The following CHRNA7 variants were observed in gnomAD, a reference collection of about 807,000 sequenced individuals.
CHRNA7 encodes neuronal acetylcholine receptor subunit alpha-7.
CHRNA7 carries 17 observed loss-of-function variants against 48.0 expected under a neutral mutation model. The observed-to-expected ratio is 0.35, with a 90% CI of 0.24 to 0.53. The LOEUF (loss-of-function observed/expected upper bound fraction) is 0.53, where lower values mean the gene tolerates loss of function less well. CHRNA7 is among the 20% of genes least tolerant of loss of function. The pLI is 0.92. For missense variants in CHRNA7, 155 were observed against 577.7 expected (o/e 0.27, Z 7.50); for synonymous variants, 75 against 242.3 (o/e 0.31, Z 6.41).
intron 3 of CHRNA7, among the ~76,000 whole-genome samples, chr15:32,107,701 C>T (rs935115623): frequency 7.9e-5 from 12 of 152,038 alleles, no homozygotes; most frequent in African/African-American, 1.7e-4. Context: ...CGTAACTTCT[C>T]GCCAGTGGCC....
chr15:32,031,673 A>G (rs1030378738), intron 2 of CHRNA7, among the ~76,000 whole-genome samples: 2 of 152,238 alleles, frequency 1.3e-5, no homozygotes, highest in African/African-American at 2.4e-5. Flanking sequence ...GGCAGCTGCC[A>G]TCAGTTCCGT....
At chr15:32,080,011 T>A (rs1265803545) in intron 2 of CHRNA7, among the ~76,000 whole-genome samples, 1 of 152,126 alleles carries the variant, frequency 6.6e-6, no homozygotes, top group Non-Finnish European at 1.5e-5. Flanking sequence ...TCTAAAACCA[T>A]CTGATCTTCT....
At chr15:32,045,783 G>C (rs571511491) in intron 2 of CHRNA7, among the ~76,000 whole-genome samples, 1 of 149,554 alleles carries the variant, frequency 6.7e-6, no homozygotes, top group African/African-American at 2.5e-5. Context: ...TCGTCATTTA[G>C]CATTAGGTAT....
rs1024808143 is a variant in CHRNA7, at chr15:32,062,126, G to A, written c.195+31089G>A. 4.1e-4 allele frequency among the ~76,000 whole-genome samples: 63 copies of A among 152,004 alleles called. 1 individual carries two copies. The highest frequency in any genetic ancestry group is 8.7e-4 in the African/African-American group (36 of 41,436). ...TTTTAGCTGTTTCTTTGAGATTTAC[G>A]TGCATATCTTGAAATAAAATGCTTA... is the stretch of plus-strand genomic sequence containing the variant. On this transcript the variant is annotated intron_variant, in intron 2 of 9. Transcript: ENST00000306901.
intron 4 of CHRNA7, among the ~76,000 whole-genome samples, chr15:32,118,277 C>T (rs534874470): frequency 6.6e-6 from 1 of 152,322 alleles, no homozygotes; most frequent in South Asian, 2.1e-4. Flanking sequence ...AGCATCCATA[C>T]TGTAAGAAAT....
At chr15:32,134,596 A>G (rs1023030615) in intron 4 of CHRNA7, among the ~76,000 whole-genome samples, 2 of 152,252 alleles carry the variant, frequency 1.3e-5, no homozygotes, top group African/African-American at 4.8e-5. Context: ...TCAGCTAAAA[A>G]TGAACTTCAA....
intron 4 of CHRNA7, among the ~76,000 whole-genome samples, chr15:32,121,128 G>A (rs1047464913): frequency 1.9e-4 from 29 of 152,296 alleles, no homozygotes; most frequent in African/African-American, 7.0e-4. Context: ...AGCAGTGCAG[G>A]GTGTGGGGCC....
At chr15:32,040,182 T>C (rs1424029331) in intron 2 of CHRNA7, among the ~76,000 whole-genome samples, 1 of 152,034 alleles carries the variant, frequency 6.6e-6, no homozygotes, top group Admixed American at 6.6e-5. Context: ...TACAGTTGGG[T>C]CTTGTTTTTT....
intron 2 of CHRNA7, among the ~76,000 whole-genome samples, chr15:32,046,067 A>C (rs1404054192): frequency 6.6e-6 from 1 of 151,710 alleles, no homozygotes; most frequent in Middle Eastern, 3.2e-3. Context: ...CCAGTCTATC[A>C]TTGTTGGACA....
chr15:32,100,893 T>G, intron 2 of CHRNA7: 1 of 183,224 alleles, frequency 5.5e-6, no homozygotes, highest in Non-Finnish European at 1.1e-5. Flanking sequence ...ATACTTGTAT[T>G]TGTTTAAAAG....
At chr15:32,137,031 C>CCA (rs2051276794) in intron 4 of CHRNA7, among the ~76,000 whole-genome samples, 1 of 63,926 alleles carries the variant, frequency 1.6e-5, no homozygotes, top group Non-Finnish European at 2.7e-5. Flanking sequence ...GACTCCGTCT[C>CCA]AAAAAAAAAA....
chr15:32,144,437 A>G (rs2051445567), intron 4 of CHRNA7, among the ~76,000 whole-genome samples: 2 of 152,202 alleles, frequency 1.3e-5, no homozygotes, highest in Admixed American at 1.3e-4. Context: ...TGTTCTCTGT[A>G]TTTCCTGAAT....
chr15:32,035,202 A>G (rs934802834), intron 2 of CHRNA7, among the ~76,000 whole-genome samples: 9 of 152,316 alleles, frequency 5.9e-5, no homozygotes, highest in African/African-American at 2.2e-4. Flanking sequence ...ATAAGAAATC[A>G]TTTTGAAGTG....
At chr15:32,054,904 G>A (rs575312756) in intron 2 of CHRNA7, among the ~76,000 whole-genome samples, 3 of 152,340 alleles carry the variant, frequency 2.0e-5, no homozygotes, top group South Asian at 4.1e-4. Flanking sequence ...TGATACAGAC[G>A]TAAAAGTAGA....
chr15:32,123,106 C>T (rs1057316918), intron 4 of CHRNA7, among the ~76,000 whole-genome samples: 1 of 152,076 alleles, frequency 6.6e-6, no homozygotes, highest in Non-Finnish European at 1.5e-5. Flanking sequence ...AGAGGCAAAC[C>T]TGGAATATAA....
chr15:32,125,509 A>G (rs1320102498), intron 4 of CHRNA7, among the ~76,000 whole-genome samples: 1 of 151,054 alleles, frequency 6.6e-6, no homozygotes, highest in East Asian at 2.0e-4. Context: ...CGGGCTGCCT[A>G]GTAGACTCTA....
At chr15:32,105,141 T>C (rs2050641904) in intron 3 of CHRNA7, among the ~76,000 whole-genome samples, 1 of 152,222 alleles carries the variant, frequency 6.6e-6, no homozygotes, top group Admixed American at 6.5e-5. Context: ...AATTAAGGCT[T>C]ACATTTGCAG....
chr15:32,050,950 G>A (rs1267649455), intron 2 of CHRNA7, among the ~76,000 whole-genome samples: 1 of 152,158 alleles, frequency 6.6e-6, no homozygotes, highest in African/African-American at 2.4e-5. Flanking sequence ...AGCGGTGTCT[G>A]CAGAACCGCG....
At chr15:32,098,406 G>A (rs1055433285) in intron 2 of CHRNA7, among the ~76,000 whole-genome samples, 2 of 152,154 alleles carry the variant, frequency 1.3e-5, no homozygotes, top group African/African-American at 2.4e-5. Context: ...GAGAAGACAC[G>A]GCACCTGCAG....
Sources: gnomAD v4.1 joint callset for allele counts (sites outside exome capture counted in the v4.1 genomes callset) on GRCh38, gnomAD v4.1.1 for gene constraint, MANE v1.5 for transcripts, NCBI Gene and HGNC (gene_info 2026-07-23, HGNC 2026-07-21) for gene names.